HS3ST4: variants seen among roughly 807,000 people sequenced by gnomAD.
HS3ST4 encodes the protein heparan sulfate glucosamine 3-O-sulfotransferase 4.
In HS3ST4, 17 loss-of-function variants were observed where a neutral mutation model predicts 29.2. That is an observed-to-expected ratio of 0.58 (90% CI 0.40 to 0.87). The LOEUF (loss-of-function observed/expected upper bound fraction) is 0.87, where lower values mean the gene tolerates loss of function less well. HS3ST4 is among the 40% of genes least tolerant of loss of function. The pLI is 0.00. For missense variants in HS3ST4, 627 were observed against 634.5 expected (o/e 0.99, Z 0.13); for synonymous variants, 314 against 285.7 (o/e 1.10, Z -1.00).
intron 1 of HS3ST4, among the ~76,000 whole-genome samples, chr16:25,728,119 A>G (rs1360190560): frequency 6.6e-6 from 1 of 152,168 alleles, no homozygotes; most frequent in Non-Finnish European, 1.5e-5. Context: ...CTCCTGCCTC[A>G]GCCTCCTGAG....
chr16:25,753,533 T>C (rs115503986), intron 1 of HS3ST4, among the ~76,000 whole-genome samples: 283 of 151,694 alleles, frequency 1.9e-3, no homozygotes, highest in African/African-American at 6.7e-3. Flanking sequence ...AGAAGCTCTT[T>C]ACGCATTTGT....
intron 1 of HS3ST4, among the ~76,000 whole-genome samples, chr16:25,719,848 G>C (rs973802322): frequency 2.0e-5 from 3 of 152,034 alleles, no homozygotes; most frequent in African/African-American, 7.2e-5. Flanking sequence ...TTTAAAATCT[G>C]TTCACCAGAC....
chr16:25,816,661 G>C (rs930454032), intron 1 of HS3ST4, among the ~76,000 whole-genome samples: 1 of 152,068 alleles, frequency 6.6e-6, no homozygotes, highest in African/African-American at 2.4e-5. Context: ...TTGTAACAAA[G>C]TACCCCAAAC....
chr16:25,999,123 T>C (rs1194037433), intron 1 of HS3ST4, among the ~76,000 whole-genome samples: 1 of 152,190 alleles, frequency 6.6e-6, no homozygotes, highest in East Asian at 1.9e-4. Context: ...TAGAGTTTTA[T>C]ATTAATTTAC....
chr16:25,959,861 G>T lies in HS3ST4; in HGVS notation c.735-175751G>T, dbSNP rs181122612. Among the ~76,000 whole-genome samples the T allele has an allele frequency of 1.3e-4, 20 of 152,218 alleles. No individual in the cohort carries two copies. The East Asian group carries it at 3.9e-3, about 29-fold the overall frequency. The stretch of plus-strand genomic sequence containing the variant: ...CTGGTTGTTGAGTCTGGGGTCGGGC[G>T]CAGTGGCTCACACCTGTAATCCCAG... On this transcript the variant is annotated intron_variant, in intron 1 of 1. Coordinates refer to ENST00000331351, the MANE Select transcript of HS3ST4 (RefSeq NM_006040.3).
chr16:25,702,113 A>G (rs1399160315), intron 1 of HS3ST4, among the ~76,000 whole-genome samples: 1 of 152,204 alleles, frequency 6.6e-6, no homozygotes, highest in East Asian at 1.9e-4. Context: ...TTATTTAACC[A>G]TTGTTCAGGA....
chr16:26,133,870 G>C (rs554822595), intron 1 of HS3ST4, among the ~76,000 whole-genome samples: 1 of 152,312 alleles, frequency 6.6e-6, no homozygotes, highest in African/African-American at 2.4e-5. Context: ...AATCCTAAAT[G>C]CACCACTTTG....
rs1264830486 is a variant in HS3ST4 at position 25,860,820 on chromosome 16, C to G, written c.734+167669C>G. 2.0e-5 allele frequency among the ~76,000 whole-genome samples: 3 copies of G among 152,186 alleles called. No homozygotes were observed. The South Asian group carries it at 6.2e-4, about 32-fold the overall frequency. ...ATGGCATTATAAATTTGCCCAGACCCGTAGGACATACAACACCAAGAATGA... is the reference window on the plus strand; with the variant it reads ...ATGGCATTATAAATTTGCCCAGACCGGTAGGACATACAACACCAAGAATGA... On this transcript the variant is annotated intron_variant, in intron 1 of 1. Transcript: ENST00000331351.
chr16:26,006,613 G>A (rs905834067), intron 1 of HS3ST4, among the ~76,000 whole-genome samples: 7 of 152,160 alleles, frequency 4.6e-5, no homozygotes, highest in Non-Finnish European at 8.8e-5. Context: ...GGTTGGATGG[G>A]CATGCAATCA....
intron 1 of HS3ST4, among the ~76,000 whole-genome samples, chr16:25,764,241 C>G (rs1434458102): frequency 6.6e-6 from 1 of 152,158 alleles, no homozygotes; most frequent in African/African-American, 2.4e-5. Context: ...AGCAGTTGAT[C>G]TGGACTGGGG....
At chr16:25,999,760 T>A (rs1040729484) in intron 1 of HS3ST4, among the ~76,000 whole-genome samples, 42 of 141,044 alleles carry the variant, frequency 3.0e-4, no homozygotes, top group Non-Finnish European at 4.1e-4. Flanking sequence ...TATGTATATT[T>A]TATATATATA....
At chr16:25,851,547 A>G (rs895969109) in intron 1 of HS3ST4, among the ~76,000 whole-genome samples, 2 of 152,054 alleles carry the variant, frequency 1.3e-5, no homozygotes, top group African/African-American at 4.8e-5. Context: ...TCAGCTCCAC[A>G]CACTGTCTGT....
At chr16:25,860,634 T>C (rs1449916262) in intron 1 of HS3ST4, among the ~76,000 whole-genome samples, 1 of 152,208 alleles carries the variant, frequency 6.6e-6, no homozygotes, top group Non-Finnish European at 1.5e-5. Flanking sequence ...CTACATACTC[T>C]GTGATCTGAC....
chr16:25,858,480 T>C (rs1967606192), intron 1 of HS3ST4, among the ~76,000 whole-genome samples: 2 of 152,196 alleles, frequency 1.3e-5, no homozygotes, highest in Admixed American at 1.3e-4. Context: ...ATTTTTCTTT[T>C]ACAAATGATT....
At chr16:25,788,367 G>C (rs80280439) in intron 1 of HS3ST4, among the ~76,000 whole-genome samples, 1 of 150,078 alleles carries the variant, frequency 6.7e-6, no homozygotes, top group Non-Finnish European at 1.5e-5. Context: ...GTGAGTCAAG[G>C]TTGTGCCATT....
chr16:26,112,776 A>T (rs1412444314), intron 1 of HS3ST4, among the ~76,000 whole-genome samples: 2 of 152,180 alleles, frequency 1.3e-5, no homozygotes, highest in African/African-American at 2.4e-5. Context: ...ATAGGGAAAA[A>T]TCTCTTAAAT....
intron 1 of HS3ST4, among the ~76,000 whole-genome samples, chr16:25,867,627 G>T (rs1967710024): frequency 6.6e-6 from 1 of 152,060 alleles, no homozygotes; most frequent in Non-Finnish European, 1.5e-5. Context: ...ATACATACAA[G>T]GCTAGTGAGG....
chr16:25,977,386 C>T (rs940708138), intron 1 of HS3ST4, among the ~76,000 whole-genome samples: 15 of 152,158 alleles, frequency 9.9e-5, no homozygotes, highest in African/African-American at 3.1e-4. Context: ...CCTTTTAGTT[C>T]TCTGAGCACA....
chr16:25,793,022 T>C (rs1414589413), intron 1 of HS3ST4, among the ~76,000 whole-genome samples: 1 of 151,924 alleles, frequency 6.6e-6, no homozygotes, highest in East Asian at 1.9e-4. Context: ...GTTTTACTCA[T>C]GGTTACTAAC....
Sources: gnomAD v4.1 joint callset for allele counts (sites outside exome capture counted in the v4.1 genomes callset) on GRCh38, gnomAD v4.1.1 for gene constraint, MANE v1.5 for transcripts, NCBI Gene and HGNC (gene_info 2026-07-23, HGNC 2026-07-21) for gene names.